The following PBX3 variants were observed in gnomAD, a reference collection of about 807,000 sequenced individuals.
The protein encoded by PBX3 is pre-B-cell leukemia transcription factor 3.
A neutral mutation model predicts 48.5 loss-of-function variants in PBX3; 14 were observed. That is an observed-to-expected ratio of 0.29 (90% confidence interval 0.19 to 0.45). PBX3 has a LOEUF of 0.45. Ranked by LOEUF, PBX3 falls within the 20% of genes least tolerant of loss-of-function variation. The pLI is 1.00. For missense variants in PBX3, 386 were observed against 546.7 expected (o/e 0.71, Z 2.93); for synonymous variants, 210 against 200.3 (o/e 1.05, Z -0.41).
chr9:125,910,491 T>C (rs1841177998), intron 2 of PBX3, among the ~76,000 whole-genome samples: 2 of 152,020 alleles, frequency 1.3e-5, no homozygotes, highest in Non-Finnish European at 2.9e-5. Context: ...AAATTCCCAG[T>C]GCTGCATTTT....
intron 2 of PBX3, among the ~76,000 whole-genome samples, chr9:125,811,197 A>G (rs554733550): frequency 2.0e-4 from 31 of 152,314 alleles, no homozygotes; most frequent in African/African-American, 7.2e-4. Flanking sequence ...TTTATGAATT[A>G]TTGTTAGCAT....
At chr9:125,859,916 C>G (rs924159977) in intron 2 of PBX3, among the ~76,000 whole-genome samples, 4 of 152,146 alleles carry the variant, frequency 2.6e-5, no homozygotes, top group African/African-American at 9.7e-5. Flanking sequence ...CTCTCCGGTG[C>G]TCAAATGGAA....
intron 5 of PBX3, among the ~76,000 whole-genome samples, chr9:125,943,821 C>T (rs926983617): frequency 1.3e-5 from 2 of 151,940 alleles, no homozygotes; most frequent in Non-Finnish European, 2.9e-5. Context: ...CTGTTACCCA[C>T]TTGGCCTGAA....
intron 2 of PBX3, among the ~76,000 whole-genome samples, chr9:125,753,686 C>T (rs1440739544): frequency 1.3e-5 from 2 of 151,916 alleles, no homozygotes; most frequent in Non-Finnish European, 1.5e-5. Context: ...TGGGACTTTA[C>T]TATGTTATTT....
At chr9:125,785,663 A>G (rs906194491) in intron 2 of PBX3, among the ~76,000 whole-genome samples, 17 of 152,332 alleles carry the variant, frequency 1.1e-4, no homozygotes, top group South Asian at 4.1e-4. Flanking sequence ...ATGTGAGTCA[A>G]TTCTCCCTAA....
At chr9:125,799,266 C>G (rs982049564) in intron 2 of PBX3, among the ~76,000 whole-genome samples, 1 of 152,166 alleles carries the variant, frequency 6.6e-6, no homozygotes, top group Admixed American at 6.5e-5. Flanking sequence ...GTAATCCTAG[C>G]ACTTTGGGGG....
intron 2 of PBX3, chr9:125,843,624 C>T: frequency 4.0e-6 from 1 of 250,686 alleles, no homozygotes; most frequent in Non-Finnish European, 8.3e-6. Context: ...TGCTTGGTAT[C>T]CTTGACAACA....
intron 3 of PBX3, among the ~76,000 whole-genome samples, chr9:125,927,120 A>G (rs1484499958): frequency 6.6e-6 from 1 of 152,242 alleles, no homozygotes; most frequent in East Asian, 1.9e-4. Flanking sequence ...ACTGCAGATT[A>G]AGAATTCTTC....
Position 125,935,522 on chromosome 9 carries a change from A to G in PBX3, c.758A>G (p.Tyr253Cys). The change falls in exon 5 of 9, where the codon TAT (tyrosine) becomes TGT (cysteine). Residue 253 changes from tyrosine to cysteine, a missense_variant. Coordinates refer to ENST00000373489, the MANE Select transcript of PBX3 (RefSeq NM_006195.6). ...CAGGCCACAGAAATCTTGAATGAAT[A>G]TTTTTACTCACACCTCAGCAACCCC... ...SKQATEILNE[Y>C]FYSHLSNPYP... 1 of 1,613,724 alleles carries G rather than the reference A, an allele frequency of 6.2e-7. No individual in the cohort carries two copies. The highest frequency in any genetic ancestry group is 8.5e-7 in the Non-Finnish European group (1 of 1,179,736).
chr9:125,964,730 C>T (rs73667815), intron 8 of PBX3, among the ~76,000 whole-genome samples: 6,175 of 152,218 alleles, frequency 0.041, 442 homozygotes, highest in African/African-American at 0.14. Context: ...ACAATGGCTG[C>T]CACATGCTCA....
At chr9:125,859,362 T>C (rs142546058) in intron 2 of PBX3, among the ~76,000 whole-genome samples, 2 of 152,330 alleles carry the variant, frequency 1.3e-5, no homozygotes, top group Non-Finnish European at 2.9e-5. Flanking sequence ...TTGCCATTGA[T>C]ATGCTTCAGA....
chr9:125,935,925 G>A lies in PBX3; in HGVS notation c.843+318G>A, dbSNP rs75129839. The stretch of plus-strand genomic sequence containing the variant: ...CTCCAGTAAATGGCATGTATTCCTG[G>A]TTTCCCTGATTTAGATGACTGACCT... On this transcript the variant is annotated intron_variant, in intron 5 of 8. Transcript: ENST00000373489. 1.8e-3 allele frequency among the ~76,000 whole-genome samples: 278 copies of A among 152,274 alleles called. 2 individuals are homozygous for A. Among genetic ancestry groups the A allele is most frequent in the African/African-American group, 6.2e-3 (257 of 41,548 alleles).
chr9:125,825,260 G>T (rs757575861), intron 2 of PBX3, among the ~76,000 whole-genome samples: 1 of 151,940 alleles, frequency 6.6e-6, no homozygotes, highest in Non-Finnish European at 1.5e-5. Flanking sequence ...CTCCAGACTG[G>T]GCAACAAAGT....
chr9:125,783,057 G>T (rs1446979817), intron 2 of PBX3, among the ~76,000 whole-genome samples: 1 of 152,072 alleles, frequency 6.6e-6, no homozygotes, highest in Non-Finnish European at 1.5e-5. Context: ...AGAGCTTATT[G>T]AACCTTTTGG....
chr9:125,858,077 A>G (rs1290236418), intron 2 of PBX3, among the ~76,000 whole-genome samples: 1 of 152,226 alleles, frequency 6.6e-6, no homozygotes, highest in African/African-American at 2.4e-5. Flanking sequence ...CATTAACAGC[A>G]TTAAGGCTGG....
chr9:125,952,541 A>G (rs745936873), intron 5 of PBX3, among the ~76,000 whole-genome samples: 42 of 152,238 alleles, frequency 2.8e-4, no homozygotes, highest in Non-Finnish European at 4.7e-4. Flanking sequence ...TATTTTGAAC[A>G]TGGAGTTTTT....
At chr9:125,885,948 T>G (rs1377732654) in intron 2 of PBX3, among the ~76,000 whole-genome samples, 1 of 152,174 alleles carries the variant, frequency 6.6e-6, no homozygotes, top group Non-Finnish European at 1.5e-5. Flanking sequence ...TACATTTCTT[T>G]GTACATGGGA....
At chr9:125,747,758 CG>C (rs1836236051) in intron 1 of PBX3, 105 bp downstream of exon 1, 2 of 842,194 alleles carry the variant, frequency 2.4e-6, no homozygotes, top group Non-Finnish European at 3.4e-6. Flanking sequence ...CAGCCCCCGG[CG>C]GGGAACTTTC....
intron 2 of PBX3, among the ~76,000 whole-genome samples, chr9:125,757,372 T>TATATTTATAAATAAATATA (rs1352792151): frequency 2.0e-5 from 3 of 151,622 alleles, no homozygotes; most frequent in Admixed American, 6.6e-5. Flanking sequence ...AGGAAATTGA[T>TATATTTATAAATAAATATA]TTTATATTTA....
Sources: allele counts gnomAD v4.1 joint callset (sites outside exome capture counted in the v4.1 genomes callset), GRCh38; gene constraint gnomAD v4.1.1; transcripts MANE v1.5; gene names NCBI Gene and HGNC (gene_info 2026-07-23, HGNC 2026-07-21).